ASB15: variants seen among roughly 807,000 people sequenced by gnomAD.
ASB15 encodes ankyrin repeat and SOCS box containing 15, also known as ankyrin repeat and SOCS box protein 15.
ASB15 carries 54 observed loss-of-function variants against 58.0 expected under a neutral mutation model. That is an observed-to-expected ratio of 0.93 (90% confidence interval 0.75 to 1.17). The LOEUF (loss-of-function observed/expected upper bound fraction) is 1.17. Ranked by LOEUF, ASB15 falls within the 50% of genes most tolerant of loss-of-function variation. ASB15 has a pLI of 0.00. For missense variants in ASB15, 680 were observed against 707.4 expected (o/e 0.96, Z 0.44); for synonymous variants, 249 against 262.4 (o/e 0.95, Z 0.50).
Position 123,637,764 on chromosome 7 carries a change from T to C in ASB15, c.*783T>C, listed in dbSNP as rs1157853631. The stretch of plus-strand genomic sequence containing the variant: ...AATCATTTTGCTAGAGACTACAAAA[T>C]TTCCATCCAAAGCTCAGCTCTTTCT... On this transcript the variant is annotated 3_prime_UTR_variant, in exon 12 of 12. Coordinates refer to ENST00000451215, the MANE Select transcript of ASB15 (RefSeq NM_001290258.2). The C allele has an allele frequency of 6.6e-6, 1 of 151,386 alleles. No homozygotes were observed. The highest frequency in any genetic ancestry group is 1.5e-5 in the Non-Finnish European group (1 of 67,958). The allele number at this position is 151,386 out of a possible 1,614,324, so 9.4% of individuals were successfully genotyped here. A position where few individuals can be genotyped will look rare whatever the true frequency, so the allele number is the denominator to read the frequency against.
intron 11 of ASB15, 125 bp from the exon 12 acceptor site, chr7:123,636,684 A>C (rs1802444003): frequency 1.4e-6 from 1 of 738,200 alleles, no homozygotes; most frequent in Non-Finnish European, 2.2e-6. Context: ...TAAAATCACC[A>C]GTTGCTAAAG....
chr7:123,619,540 T>C (rs1190247555), intron 7 of ASB15, among the ~76,000 whole-genome samples: 1 of 152,096 alleles, frequency 6.6e-6, no homozygotes, highest in African/African-American at 2.4e-5. Flanking sequence ...ACTCTTTTTT[T>C]TGAGGCAGAG....
intron 1 of ASB15, chr7:123,567,147 T>C (rs543152479): frequency 6.8e-6 from 1 of 147,938 alleles, no homozygotes; most frequent in East Asian, 2.0e-4. Flanking sequence ...GGCCAATCCT[T>C]TTGCAGAGGG....
chr7:123,576,798 C>T (rs1393716743), intron 1 of ASB15, among the ~76,000 whole-genome samples: 11 of 152,192 alleles, frequency 7.2e-5, no homozygotes, highest in Admixed American at 1.3e-4. Context: ...TCTGCTGCCA[C>T]TAGGTTTTCT....
At position 123,616,389 on chromosome 7, in the gene ASB15, T is replaced by C. The variant is rs749449209; in HGVS notation, c.186T>C (p.Tyr62=). 1 of 1,608,874 alleles carries C rather than the reference T, an allele frequency of 6.2e-7. No homozygotes were observed. The highest frequency in any genetic ancestry group is 1.1e-5 in the South Asian group (1 of 90,822). ...GTCACATTCCTGAGCTCCAGGAGTA[T>C]GTAAAATATAAATATGCAATGGATG... ...KQGHIPELQE[Y]VKYKYAMDEA... is the part of the protein sequence containing the mutation. Residue 62 remains tyrosine, a synonymous_variant, in exon 6 of 12, where the codon TAT becomes TAC. Transcript: ENST00000451215.
intron 1 of ASB15, among the ~76,000 whole-genome samples, chr7:123,603,618 TG>T (rs1799995035): frequency 6.6e-6 from 1 of 152,138 alleles, no homozygotes; most frequent in Non-Finnish European, 1.5e-5. Context: ...TCTTTATCAG[TG>T]GAGCTTAAGG....
intron 6 of ASB15, 148 bp downstream of exon 6, chr7:123,616,643 T>A: frequency 9.6e-7 from 1 of 1,038,764 alleles, no homozygotes; most frequent in Non-Finnish European, 1.3e-6. Flanking sequence ...ACCCATGTTT[T>A]AAACTCAGAG....
At chr7:123,610,761 A>T (rs1185340796) in intron 3 of ASB15, among the ~76,000 whole-genome samples, 2 of 152,204 alleles carry the variant, frequency 1.3e-5, no homozygotes, top group Non-Finnish European at 2.9e-5. Flanking sequence ...TTACTTTGTA[A>T]ATCAGCTACT....
rs990078151 is a variant in ASB15, at chr7:123,614,621, A to G, written c.107+12A>G. ...CTTTGTCCTGAAAGGTAGTATTCAA[A>G]CCAACTATCCTCAGCAAAATTTCTT... On this transcript the variant is annotated intron_variant, in intron 4 of 11. Coordinates refer to ENST00000451215, the MANE Select transcript of ASB15 (RefSeq NM_001290258.2). 8 of 1,536,710 alleles carry G rather than the reference A, an allele frequency of 5.2e-6. No individual in the cohort carries two copies. Among genetic ancestry groups the G allele is most frequent in the Non-Finnish European group, 7.2e-6 (8 of 1,111,658 alleles).
intron 11 of ASB15, among the ~76,000 whole-genome samples, chr7:123,635,127 T>C (rs1033500492): frequency 6.6e-6 from 1 of 152,196 alleles, no homozygotes; most frequent in Admixed American, 6.5e-5. Flanking sequence ...AATACTATAG[T>C]GCAGGGATAG....
upstream of ASB15, among the ~76,000 whole-genome samples, chr7:123,597,956 G>C (rs1419923086): frequency 6.6e-6 from 1 of 151,322 alleles, no homozygotes; most frequent in African/African-American, 2.4e-5. Flanking sequence ...GTGTGTGTGT[G>C]TGTGTCTTTG....
chr7:123,576,020 A>T (rs1425148620), intron 1 of ASB15, among the ~76,000 whole-genome samples: 3 of 151,284 alleles, frequency 2.0e-5, no homozygotes, highest in Non-Finnish European at 4.4e-5. Context: ...AGGGTCTCCA[A>T]CTATAAATTT....
In ASB15 at chr7:123,584,759, C is replaced by T. The variant is rs1230165162; in HGVS notation, c.-443+17671C>T. 2.0e-5 allele frequency: 3 copies of T among 151,940 alleles called. No individual in the cohort carries two copies. In the East Asian group the frequency reaches 5.8e-4, roughly 29 times the overall value. 9.4% of individuals were successfully genotyped at this position (151,940 alleles called of 1,614,324 possible). On this transcript the variant is annotated intron_variant, in intron 1 of 13. Coordinates refer to the ASB15 transcript ENST00000451558. ...TTCACGAAGAAATAAAAATCACAAA[C>T]TATTGAAGAATAAATATGTCAGGAA...
chr7:123,591,693 C>A (rs529515209), intron 1 of ASB15, among the ~76,000 whole-genome samples: 2 of 152,022 alleles, frequency 1.3e-5, no homozygotes, highest in South Asian at 4.2e-4. Flanking sequence ...TTGCTGGATT[C>A]GGTTTGCCAG....
intron 1 of ASB15, among the ~76,000 whole-genome samples, chr7:123,587,893 A>C (rs1350196414): frequency 6.6e-6 from 1 of 151,672 alleles, no homozygotes; most frequent in Non-Finnish European, 1.5e-5. Context: ...ATGCCACTTA[A>C]CCATGGTACA....
At chr7:123,580,713 C>A (rs1429234725) in intron 1 of ASB15, among the ~76,000 whole-genome samples, 1 of 151,978 alleles carries the variant, frequency 6.6e-6, no homozygotes. Flanking sequence ...CCAGTCTCCC[C>A]ATAACCTCAC....
At chr7:123,593,315 T>C (rs1273519966) in intron 1 of ASB15, among the ~76,000 whole-genome samples, 2 of 152,212 alleles carry the variant, frequency 1.3e-5, no homozygotes, top group Admixed American at 6.5e-5. Context: ...CCTGCCATTA[T>C]AATGTTAGCT....
At chr7:123,625,060 G>A (rs1801686753) in intron 8 of ASB15, 3 of 461,202 alleles carry the variant, frequency 6.5e-6, no homozygotes, top group Non-Finnish European at 7.9e-6. Context: ...TCGAGAGACA[G>A]TTCAATCTGC....
rs1802500204 is a variant in ASB15, at chr7:123,637,878, T to TAAAAAAAAAAAAGAAAAAAAAAAAAA, written c.*909_*910insGAAAAAAAAAAAAAAAAAAAAAAAAA. On this transcript the variant is annotated 3_prime_UTR_variant, in exon 12 of 12. Coordinates refer to ENST00000451215, the MANE Select transcript of ASB15 (RefSeq NM_001290258.2). ...AAATTCAACATGTCCCCAGATGAACTAAAAAAAAAAAAAAAAAAAAAACCT... is the reference window on the plus strand; with the variant it reads ...AAATTCAACATGTCCCCAGATGAACTAAAAAAAAAAAAGAAAAAAAAAAAAAAAAAAAAAAAAAAAAAAAAAAACCT... 1.9e-5 allele frequency: 1 copy of TAAAAAAAAAAAAGAAAAAAAAAAAAA among 52,468 alleles called. No individual in the cohort carries two copies. The highest frequency in any genetic ancestry group is 3.7e-5 in the Non-Finnish European group (1 of 26,694). 3.3% of individuals were successfully genotyped at this position (52,468 alleles called of 1,614,324 possible). A position where few individuals can be genotyped will look rare whatever the true frequency, so the allele number is the denominator to read the frequency against.
Sources: gnomAD v4.1 joint callset for allele counts (sites outside exome capture counted in the v4.1 genomes callset) on GRCh38, gnomAD v4.1.1 for gene constraint, MANE v1.5 for transcripts, NCBI Gene and HGNC (gene_info 2026-07-23, HGNC 2026-07-21) for gene names.